The following RAE1 variants were observed in gnomAD, a reference collection of about 807,000 sequenced individuals.
The protein encoded by RAE1 is ribonucleic acid export 1.
Under a neutral mutation model 52.7 loss-of-function variants are expected in RAE1, and 13 were observed. That is an observed-to-expected ratio of 0.25 (90% CI 0.16 to 0.39). The LOEUF is 0.39. RAE1 is among the 10% of genes least tolerant of loss of function. The pLI is 1.00. For synonymous variants in RAE1, 164 were observed against 153.1 expected (o/e 1.07, Z -0.52); for missense variants, 262 against 459.8 (o/e 0.57, Z 3.93).
At chr20:57,373,441 C>A in intron 8 of RAE1, 34 bp from the exon 9 acceptor site, 1 of 1,578,988 alleles carries the variant, frequency 6.3e-7, no homozygotes, top group Non-Finnish European at 8.7e-7. Context: ...TTATATTATG[C>A]TGTGATTATG....
intron 7 of RAE1, among the ~76,000 whole-genome samples, chr20:57,367,364 T>G (rs1003218300): frequency 2.0e-5 from 3 of 152,192 alleles, no homozygotes; most frequent in African/African-American, 7.2e-5. Flanking sequence ...ATCTATCATG[T>G]CCTTTCCATG....
Position 57,373,462 on chromosome 20 carries a change from AT to A in RAE1, c.643-9del. On this transcript the variant is annotated splice_polypyrimidine_tract_variant and intron_variant, in intron 8 of 11. Transcript: ENST00000395841. ...TATGCTGTGATTATGTCTCTTTTTT[AT>A]TTTAACTGTAGCATCGGTGTGTGGC... is the stretch of plus-strand genomic sequence containing the variant. 1 of 1,603,444 alleles carries A rather than the reference AT, an allele frequency of 6.2e-7. No homozygotes were observed. Among genetic ancestry groups the A allele is most frequent in the Non-Finnish European group, 8.5e-7 (1 of 1,172,268 alleles).
chr20:57,375,172 G>T, intron 11 of RAE1: 1 of 620,692 alleles, frequency 1.6e-6, no homozygotes, highest in Non-Finnish European at 2.9e-6. Context: ...TTTGGGCAGG[G>T]GGAGTTAGGA....
intron 11 of RAE1, among the ~76,000 whole-genome samples, chr20:57,377,534 C>T (rs1189858632): frequency 3.3e-5 from 5 of 152,182 alleles, no homozygotes; most frequent in African/African-American, 9.7e-5. Context: ...CCTCCGCACA[C>T]GCCTCTGGCT....
intron 1 of RAE1, 112 bp downstream of exon 1, chr20:57,351,534 TGTTGACTAAGCTTC>T: frequency 5.1e-6 from 5 of 985,486 alleles, no homozygotes; most frequent in Non-Finnish European, 6.0e-6. Context: ...CGAGCGGGAC[TGTTGACTAAGCTTC>T]GTTACTGGGC....
At chr20:57,373,084 A>C in intron 8 of RAE1, 1 of 240,222 alleles carries the variant, frequency 4.2e-6, no homozygotes, top group Non-Finnish European at 8.3e-6. Flanking sequence ...TCCCTCCTCC[A>C]GCTGGGGAGG....
chr20:57,374,832 C>G, intron 11 of RAE1, 31 bp downstream of exon 11: 1 of 1,612,384 alleles, frequency 6.2e-7, no homozygotes, highest in South Asian at 1.1e-5. Flanking sequence ...TCTGGGTGCT[C>G]CAAGGCAGCA....
In RAE1 at chr20:57,375,156, TGGTGGTTTGGGCA is replaced by T; in HGVS notation, c.1020+358_1020+370del. On this transcript the variant is annotated intron_variant, in intron 11 of 11. Coordinates refer to ENST00000395841, the MANE Select transcript of RAE1 (RefSeq NM_003610.4). ...GGGTGCTGTTGGTTGCTTGGTTGGC[TGGTGGTTTGGGCA>T]GGGGGAGTTAGGAGCTGGCAGGAGT... 23 of 629,252 alleles carry T rather than the reference TGGTGGTTTGGGCA, an allele frequency of 3.7e-5. No individual in the cohort carries two copies. The South Asian group carries it at 4.2e-4, about 11-fold the overall frequency. 39.0% of individuals were successfully genotyped at this position (629,252 alleles called of 1,614,324 possible). A position where few individuals can be genotyped will look rare whatever the true frequency, so the allele number is the denominator to read the frequency against.
intron 3 of RAE1, among the ~76,000 whole-genome samples, chr20:57,355,752 G>C (rs1383631526): frequency 6.6e-6 from 1 of 152,210 alleles, no homozygotes; most frequent in Non-Finnish European, 1.5e-5. Context: ...GTAGCCTACA[G>C]CACAGGGGCA....
At chr20:57,359,875 A>G (rs1305708091) in intron 4 of RAE1, 1 of 152,182 alleles carries the variant, frequency 6.6e-6, no homozygotes, top group Non-Finnish European at 1.5e-5. Context: ...TACTGTGTCT[A>G]TTGCCAGAAA....
intron 4 of RAE1, chr20:57,358,953 C>T (rs763516988): frequency 5.6e-5 from 81 of 1,444,076 alleles, no homozygotes; most frequent in Admixed American, 4.4e-4. Context: ...AAGGTTTTCT[C>T]GTCTTATTTG....
intron 4 of RAE1, among the ~76,000 whole-genome samples, chr20:57,356,989 A>G (rs918645220): frequency 2.0e-5 from 3 of 152,110 alleles, no homozygotes; most frequent in South Asian, 2.1e-4. Context: ...TTCTCCTGCC[A>G]TTGCTGCTGG....
intron 1 of RAE1, chr20:57,351,670 C>T (rs1363436696): frequency 4.1e-6 from 4 of 985,526 alleles, no homozygotes; most frequent in Non-Finnish European, 4.8e-6. Flanking sequence ...TGCGTTAATG[C>T]AGTGTGTGTC....
chr20:57,364,793 A>G (rs987019323), intron 4 of RAE1, among the ~76,000 whole-genome samples: 1 of 152,248 alleles, frequency 6.6e-6, no homozygotes, highest in African/African-American at 2.4e-5. Flanking sequence ...CTATTTGACA[A>G]GTTAGATAGG....
At chr20:57,356,621 G>A in intron 4 of RAE1, 83 bp downstream of exon 4, 1 of 1,131,372 alleles carries the variant, frequency 8.8e-7, no homozygotes, top group African/African-American at 1.5e-5. Context: ...AACACAAATA[G>A]CATATATGTG....
chr20:57,366,691 GT>G, intron 5 of RAE1, 115 bp from the exon 6 acceptor site: 1 of 1,026,130 alleles, frequency 9.7e-7, no homozygotes, highest in Admixed American at 2.0e-5. Flanking sequence ...TTTGGTTTTT[GT>G]TTGGTATGGC....
At position 57,378,338 on chromosome 20, in the gene RAE1, C is replaced by T. The variant is rs1448068727; in HGVS notation, c.*239C>T. The T allele has an allele frequency of 3.3e-5, 15 of 451,116 alleles. No homozygotes were observed. The highest frequency in any genetic ancestry group is 2.0e-4 in the East Asian group (6 of 30,764). The allele number at this position is 451,116 out of a possible 1,614,324, so 27.9% of individuals were successfully genotyped here. On this transcript the variant is annotated 3_prime_UTR_variant, in exon 12 of 12. Transcript: ENST00000395841. ...CTAAGGGGGTTGAGGTTATTGTAGA[C>T]GTTAGATTGCGGGCACCGCCAGGGA...
chr20:57,351,756 C>A, intron 1 of RAE1: 1 of 985,504 alleles, frequency 1.0e-6, no homozygotes. Flanking sequence ...TTTCCCTGGC[C>A]GCTTTGCAGA....
chr20:57,373,884 A>T, intron 10 of RAE1, 146 bp downstream of exon 10: 1 of 891,622 alleles, frequency 1.1e-6, no homozygotes, highest in Non-Finnish European at 1.7e-6. Flanking sequence ...TGTAGGCTTC[A>T]GGTTTCTGTG....
Sources: gnomAD v4.1 joint callset for allele counts (sites outside exome capture counted in the v4.1 genomes callset) on GRCh38, gnomAD v4.1.1 for gene constraint, MANE v1.5 for transcripts, NCBI Gene and HGNC (gene_info 2026-07-23, HGNC 2026-07-21) for gene names.